Variants in ADAMTS16 observed in about 807,000 individuals in gnomAD.
The protein encoded by ADAMTS16 is A disintegrin and metalloproteinase with thrombospondin motifs 16.
Under a neutral mutation model 145.8 loss-of-function variants are expected in ADAMTS16, and 94 were observed. The ratio of observed to expected loss-of-function variants is 0.64; its 90% CI spans 0.55 to 0.77. The LOEUF (loss-of-function observed/expected upper bound fraction) is 0.77. Ranked by LOEUF, ADAMTS16 falls within the 30% of genes least tolerant of loss-of-function variation. The pLI is 0.00. For synonymous variants in ADAMTS16, 659 were observed against 604.3 expected, an observed-to-expected ratio of 1.09 and a Z score of -1.33; for missense variants, 1,585 against 1,591.5, an observed-to-expected ratio of 1.00 and a Z score of 0.07.
chr5:5,173,463 A>G (rs1441888373), intron 3 of ADAMTS16, among the ~76,000 whole-genome samples: 1 of 149,042 alleles, frequency 6.7e-6, no homozygotes, highest in Non-Finnish European at 1.5e-5. Flanking sequence ...ATAATATCTT[A>G]TAACTCATTA....
chr5:5,163,915 A>G (rs1734800016), intron 3 of ADAMTS16, among the ~76,000 whole-genome samples: 1 of 152,174 alleles, frequency 6.6e-6, no homozygotes, highest in Non-Finnish European at 1.5e-5. Context: ...AACACAACAA[A>G]CAGAGCACAG....
intron 3 of ADAMTS16, among the ~76,000 whole-genome samples, chr5:5,153,746 A>G (rs903773968): frequency 2.0e-5 from 3 of 152,232 alleles, no homozygotes; most frequent in African/African-American, 7.2e-5. Context: ...AGAAAAAAAT[A>G]TATATAATCT....
chr5:5,168,644 T>A (rs866878435), intron 3 of ADAMTS16, among the ~76,000 whole-genome samples: 1 of 98,446 alleles, frequency 1.0e-5, no homozygotes, highest in Admixed American at 1.2e-4. Flanking sequence ...ATATATATAA[T>A]TATATTTATA....
chr5:5,206,415 GA>G (rs1736118160), intron 9 of ADAMTS16, among the ~76,000 whole-genome samples: 3 of 44,644 alleles, frequency 6.7e-5, no homozygotes, highest in African/African-American at 3.1e-4. Flanking sequence ...GACAGAGCGA[GA>G]CTCCGTCTCA....
intron 17 of ADAMTS16, among the ~76,000 whole-genome samples, chr5:5,251,744 C>T (rs1239804984): frequency 1.3e-5 from 2 of 152,246 alleles, no homozygotes; most frequent in Admixed American, 1.3e-4. Flanking sequence ...CGTAGGACCC[C>T]AGGCCAGCAG....
chr5:5,155,015 T>C (rs1734565647), intron 3 of ADAMTS16, among the ~76,000 whole-genome samples: 1 of 152,086 alleles, frequency 6.6e-6, no homozygotes, highest in Admixed American at 6.6e-5. Flanking sequence ...TTAAAGAGAG[T>C]GCTTGCTCAA....
Position 5,200,187 on chromosome 5 carries a change from A to G in ADAMTS16, c.1369A>G (p.Ile457Val), listed in dbSNP as rs1474239946. 6.2e-7 allele frequency: 1 copy of G among 1,614,048 alleles called. No individual in the cohort carries two copies. The change falls in exon 9 of 23, where the codon ATC becomes GTC. Residue 457 changes from isoleucine to valine, a missense_variant. Ile to Val is a conservative substitution (Grantham distance 29, BLOSUM62 3). Transcript: ENST00000274181. ...GNMCKKSEGN[I>V]MSPTLAGRNG... ...CATGTGCAAAAAGTCCGAGGGCAAC[A>G]TCATGTCCCCTACATTGGCAGGACG...
chr5:5,188,192 T>C (rs2126571806), intron 6 of ADAMTS16, among the ~76,000 whole-genome samples: 1 of 152,280 alleles, frequency 6.6e-6, no homozygotes, highest in East Asian at 1.9e-4. Flanking sequence ...AGTATAAATG[T>C]TTTGTGGTCT....
intron 18 of ADAMTS16, among the ~76,000 whole-genome samples, chr5:5,270,929 C>T (rs1017866688): frequency 1.3e-5 from 2 of 152,136 alleles, no homozygotes; most frequent in Admixed American, 6.5e-5. Context: ...GCCACAGCCC[C>T]GAGGGAATAA....
rs796195748 is a variant in ADAMTS16 at position 5,176,807 on chromosome 5, C to T, written c.502-5237C>T. On this transcript the variant is annotated intron_variant, in intron 3 of 22. Coordinates refer to ENST00000274181, the MANE Select transcript of ADAMTS16 (RefSeq NM_139056.4). ...CATCCAAAGCCTGATTGGCTGATGA[C>T]TCAGGTGTGCCCAGCTGTGCAGAAA... Among the ~76,000 whole-genome samples, 10 of 152,294 alleles carry T rather than the reference C, an allele frequency of 6.6e-5. 1 individual carries two copies. Among genetic ancestry groups the T allele is most frequent in the African/African-American group, 2.2e-4 (9 of 41,562 alleles).
rs545127209 is a variant in ADAMTS16 at position 5,173,324 on chromosome 5, A to G, written c.502-8720A>G. On this transcript the variant is annotated intron_variant, in intron 3 of 22. Coordinates refer to ENST00000274181, the MANE Select transcript of ADAMTS16 (RefSeq NM_139056.4). The stretch of plus-strand genomic sequence containing the variant: ...TTTCTGGGGTTTTTTGTGCCGTTTT[A>G]TTTCTTTCCTTCTTGTCTTCCTTTT... Among the ~76,000 whole-genome samples the G allele has an allele frequency of 2.2e-5, 3 of 135,104 alleles. No individual in the cohort carries two copies. The East Asian group carries it at 6.7e-4, about 30-fold the overall frequency. 88.6% of individuals were successfully genotyped at this position (135,104 alleles called of 152,430 possible).
At chr5:5,242,559 C>A (rs1203582249) in intron 17 of ADAMTS16, among the ~76,000 whole-genome samples, 1 of 152,196 alleles carries the variant, frequency 6.6e-6, no homozygotes, top group Admixed American at 6.5e-5. Flanking sequence ...GGAAAATACA[C>A]TGACCTAGAG....
rs55703329 is a variant in ADAMTS16, at chr5:5,215,870, G to GTATA, written c.1605+6666_1605+6669dup. On this transcript the variant is annotated intron_variant, in intron 10 of 22. Transcript: ENST00000274181. ...ATATATATATATGTGGTGTGTATGT[G>GTATA]TATATATATATATATATATATATAT... Among the ~76,000 whole-genome samples, 743 of 101,164 alleles carry GTATA rather than the reference G, an allele frequency of 7.3e-3. 11 individuals are homozygous for GTATA. The highest frequency in any genetic ancestry group is 0.011 in the Middle Eastern group (2 of 182). The allele number at this position is 101,164 out of a possible 152,430, so 66.4% of individuals were successfully genotyped here.
At chr5:5,180,844 G>A (rs1735318712) in intron 3 of ADAMTS16, among the ~76,000 whole-genome samples, 1 of 152,024 alleles carries the variant, frequency 6.6e-6, no homozygotes, top group Admixed American at 6.6e-5. Flanking sequence ...CCCATAAAAA[G>A]GGGGCACTGA....
chr5:5,164,852 A>AT (rs1734828406), intron 3 of ADAMTS16, among the ~76,000 whole-genome samples: 1 of 151,612 alleles, frequency 6.6e-6, no homozygotes, highest in Admixed American at 6.6e-5. Context: ...AATTTTTTGT[A>AT]TTTTTAGTAG....
At chr5:5,297,940 G>T (rs1739613756) in intron 18 of ADAMTS16, among the ~76,000 whole-genome samples, 1 of 152,216 alleles carries the variant, frequency 6.6e-6, no homozygotes, top group Non-Finnish European at 1.5e-5. Context: ...CTGTCAAGTT[G>T]CAAGCTTCCA....
At chr5:5,148,018 A>T (rs1412144853) in intron 3 of ADAMTS16, among the ~76,000 whole-genome samples, 3 of 152,220 alleles carry the variant, frequency 2.0e-5, no homozygotes, top group African/African-American at 4.8e-5. Context: ...TTTGAGCTTG[A>T]TCAGAGTTAA....
At chr5:5,154,152 C>T (rs1190040878) in intron 3 of ADAMTS16, among the ~76,000 whole-genome samples, 4 of 152,184 alleles carry the variant, frequency 2.6e-5, no homozygotes, top group African/African-American at 9.7e-5. Context: ...AGAGGAAGAA[C>T]CCACATGGGG....
At chr5:5,212,017 G>C (rs1337279308) in intron 10 of ADAMTS16, among the ~76,000 whole-genome samples, 1 of 151,952 alleles carries the variant, frequency 6.6e-6, no homozygotes, top group Non-Finnish European at 1.5e-5. Flanking sequence ...TTCTGCAGTG[G>C]TTGGGTAGAA....
Sources: allele counts gnomAD v4.1 joint callset (sites outside exome capture counted in the v4.1 genomes callset), GRCh38; gene constraint gnomAD v4.1.1; transcripts MANE v1.5; gene names NCBI Gene and HGNC (gene_info 2026-07-23, HGNC 2026-07-21).